Variants in SCHIP1 observed in about 807,000 individuals in gnomAD.
SCHIP1 encodes schwannomin interacting protein 1, also known as schwannomin-interacting protein 1.
SCHIP1 carries 8 observed loss-of-function variants against 29.7 expected under a neutral mutation model. The observed-to-expected ratio is 0.27, with a 90% CI of 0.16 to 0.49. The LOEUF (loss-of-function observed/expected upper bound fraction) is 0.49. Ranked by LOEUF, SCHIP1 falls within the 20% of genes least tolerant of loss-of-function variation. The pLI is 0.99. For synonymous variants in SCHIP1, 76 were observed against 94.9 expected, an observed-to-expected ratio of 0.80 and a Z score of 1.16; for missense variants, 193 against 294.6, an observed-to-expected ratio of 0.66 and a Z score of 2.52.
the SCHIP1 span, among the ~76,000 whole-genome samples, chr3:159,781,656 A>G: frequency 6.6e-6 from 1 of 152,236 alleles, no homozygotes; most frequent in Admixed American, 6.5e-5. Context: ...AGAGGAGTGG[A>G]AGTTGACAGG....
the SCHIP1 span, among the ~76,000 whole-genome samples, chr3:159,557,941 C>A: frequency 1.3e-5 from 2 of 152,192 alleles, no homozygotes; most frequent in East Asian, 3.8e-4. Flanking sequence ...AGTATAAGGA[C>A]GCAGTTCCTG....
chr3:159,686,573 T>C, the SCHIP1 span, among the ~76,000 whole-genome samples: 19 of 152,296 alleles, frequency 1.2e-4, no homozygotes, highest in African/African-American at 4.3e-4. Context: ...AAAATGTTTA[T>C]TATATTGAAA....
the SCHIP1 span, among the ~76,000 whole-genome samples, chr3:159,283,476 A>G: frequency 6.7e-6 from 1 of 150,136 alleles, no homozygotes; most frequent in Admixed American, 6.6e-5. Flanking sequence ...TTTACTTACT[A>G]TGATTGTTCC....
the SCHIP1 span, among the ~76,000 whole-genome samples, chr3:159,617,562 T>C: frequency 1.3e-5 from 2 of 152,184 alleles, no homozygotes; most frequent in Non-Finnish European, 2.9e-5. Flanking sequence ...TCTGAGAGAC[T>C]ACCTGGGAGA....
the SCHIP1 span, among the ~76,000 whole-genome samples, chr3:159,305,226 C>G: frequency 6.6e-6 from 1 of 152,296 alleles, no homozygotes; most frequent in African/African-American, 2.4e-5. Context: ...GGATACCTCA[C>G]AAATGTGGCC....
the SCHIP1 span, among the ~76,000 whole-genome samples, chr3:159,647,972 G>A: frequency 7.9e-5 from 12 of 152,072 alleles, no homozygotes; most frequent in Non-Finnish European, 1.3e-4. Context: ...ATAAAACAGG[G>A]AAGAGGCAAA....
At chr3:159,794,930 C>T in the SCHIP1 span, among the ~76,000 whole-genome samples, 4 of 152,146 alleles carry the variant, frequency 2.6e-5, no homozygotes, top group Middle Eastern at 3.2e-3. Context: ...TCTTAAAAAG[C>T]ATGAGCATCT....
At chr3:159,764,797 A>G in the SCHIP1 span, 14 of 1,567,590 alleles carry the variant, frequency 8.9e-6, no homozygotes, top group African/African-American at 1.8e-4. The surrounding 1 kb of genome is among the most constrained non-coding windows in gnomAD (Gnocchi z 6.1). Flanking sequence ...CAGGAGCGCC[A>G]CCACCGCCAT....
chr3:159,487,321 G>A, the SCHIP1 span, among the ~76,000 whole-genome samples: 3 of 152,090 alleles, frequency 2.0e-5, no homozygotes, highest in Non-Finnish European at 2.9e-5. Flanking sequence ...AGTGCCTCAG[G>A]TGTCCAGGCA....
the SCHIP1 span, among the ~76,000 whole-genome samples, chr3:159,349,030 A>G: frequency 5.9e-5 from 9 of 152,232 alleles, no homozygotes; most frequent in African/African-American, 2.2e-4. Flanking sequence ...TGAAAGAGCT[A>G]TGTGCTGAGT....
the SCHIP1 span, among the ~76,000 whole-genome samples, chr3:159,734,667 A>G: frequency 6.6e-6 from 1 of 152,110 alleles, no homozygotes; most frequent in Middle Eastern, 3.4e-3. Context: ...TAGGCAAATT[A>G]CTCAGCCAGT....
the SCHIP1 span, among the ~76,000 whole-genome samples, chr3:159,502,920 G>T: frequency 6.6e-6 from 1 of 152,192 alleles, no homozygotes; most frequent in African/African-American, 2.4e-5. Context: ...GAAAACACAA[G>T]CAAATGCCTA....
the SCHIP1 span, among the ~76,000 whole-genome samples, chr3:159,820,251 G>T: frequency 1.3e-5 from 2 of 152,028 alleles, no homozygotes. Flanking sequence ...TGATTTGGGG[G>T]GTAAAGGAGC....
At chr3:159,791,905 A>G in the SCHIP1 span, among the ~76,000 whole-genome samples, 1 of 152,210 alleles carries the variant, frequency 6.6e-6, no homozygotes, top group African/African-American at 2.4e-5. Flanking sequence ...ATGAGGAAAA[A>G]TCTCAATTTA....
At chr3:159,343,050 G>T in the SCHIP1 span, among the ~76,000 whole-genome samples, 1 of 152,026 alleles carries the variant, frequency 6.6e-6, no homozygotes, top group South Asian at 2.1e-4. Context: ...TGTGCCAACC[G>T]CTGTGCCAGG....
chr3:159,519,496 C>T, the SCHIP1 span, among the ~76,000 whole-genome samples: 2 of 152,096 alleles, frequency 1.3e-5, no homozygotes, highest in African/African-American at 4.8e-5. Flanking sequence ...GTAAGAATTT[C>T]ACAAGATCCC....
the SCHIP1 span, among the ~76,000 whole-genome samples, chr3:159,576,120 A>G: frequency 2.6e-5 from 4 of 152,194 alleles, no homozygotes; most frequent in Admixed American, 2.6e-4. Context: ...TTGAATGTTT[A>G]TAACATAAAG....
chr3:159,437,989 G>A, the SCHIP1 span, among the ~76,000 whole-genome samples: 1 of 152,062 alleles, frequency 6.6e-6, no homozygotes, highest in South Asian at 2.1e-4. Flanking sequence ...CTATAAAATG[G>A]GGGATAGTAA....
At chr3:159,558,557 A>C in the SCHIP1 span, among the ~76,000 whole-genome samples, 5 of 152,192 alleles carry the variant, frequency 3.3e-5, no homozygotes, top group Non-Finnish European at 7.3e-5. Context: ...GGAGGAAAGA[A>C]AAATAATAAA....
Sources: allele counts gnomAD v4.1 joint callset (sites outside exome capture counted in the v4.1 genomes callset), GRCh38; gene constraint gnomAD v4.1.1; non-coding constraint Gnocchi (gnomAD v3.1); transcripts MANE v1.5; gene names NCBI Gene and HGNC (gene_info 2026-07-23, HGNC 2026-07-21).